EPHA5: variants seen among roughly 807,000 people sequenced by gnomAD.
EPHA5 encodes ephrin type-A receptor 5.
Under a neutral mutation model 105.0 loss-of-function variants are expected in EPHA5, and 60 were observed. That is an observed-to-expected ratio of 0.57 (90% CI 0.46 to 0.71). EPHA5 has a LOEUF of 0.71. Among genes scored for constraint, EPHA5 ranks in the 30% least tolerant of loss-of-function variants. The probability of loss-of-function intolerance (pLI) is 0.00; values close to 1 mark genes in which losing one functional copy is unlikely to be tolerated. For synonymous variants in EPHA5, 513 were observed against 449.1 expected (o/e 1.14, Z -1.80); for missense variants, 1,218 against 1,274.7 (o/e 0.96, Z 0.68).
At chr4:65,531,026 TTTTTTTA>T (rs1735733439) in intron 3 of EPHA5, among the ~76,000 whole-genome samples, 2 of 146,886 alleles carry the variant, frequency 1.4e-5, no homozygotes, top group African/African-American at 5.1e-5. Flanking sequence ...TTTTTTTTAT[TTTTTTTA>T]TTTTTTTATT....
intron 11 of EPHA5, among the ~76,000 whole-genome samples, chr4:65,357,731 A>G (rs778601401): frequency 1.4e-4 from 21 of 151,460 alleles, no homozygotes; most frequent in Non-Finnish European, 2.7e-4. Flanking sequence ...AAGATGAAAA[A>G]GTACTAAAGA....
intron 2 of EPHA5, among the ~76,000 whole-genome samples, chr4:65,602,676 T>A (rs1743854691): frequency 6.6e-6 from 1 of 151,892 alleles, no homozygotes; most frequent in Non-Finnish European, 1.5e-5. Flanking sequence ...ATATTTTGAA[T>A]AAAGTTCAGC....
intron 8 of EPHA5, among the ~76,000 whole-genome samples, chr4:65,380,728 A>G (rs917951346): frequency 6.6e-6 from 1 of 151,846 alleles, no homozygotes; most frequent in Non-Finnish European, 1.5e-5. Flanking sequence ...TTCAAATTAA[A>G]TTAACAACAA....
At chr4:65,595,588 T>TC in intron 3 of EPHA5, among the ~76,000 whole-genome samples, 1 of 151,534 alleles carries the variant, frequency 6.6e-6, no homozygotes. Context: ...AAGATTTTTT[T>TC]TTTTTTTTTT....
At chr4:65,458,035 C>T (rs1217905803) in intron 5 of EPHA5, among the ~76,000 whole-genome samples, 2 of 136,256 alleles carry the variant, frequency 1.5e-5, no homozygotes, top group Non-Finnish European at 3.0e-5. Context: ...GATTACACCA[C>T]TGCACTCCAG....
intron 2 of EPHA5, among the ~76,000 whole-genome samples, chr4:65,630,771 A>G (rs1746557307): frequency 6.6e-6 from 1 of 152,206 alleles, no homozygotes; most frequent in African/African-American, 2.4e-5. Context: ...AGCAGGAACC[A>G]GAGAGAGAAA....
At chr4:65,452,908 A>G (rs944774240) in intron 5 of EPHA5, among the ~76,000 whole-genome samples, 9 of 152,190 alleles carry the variant, frequency 5.9e-5, no homozygotes, top group African/African-American at 2.2e-4. Flanking sequence ...CTCCAAAAAG[A>G]AGAAATTGTG....
At chr4:65,514,793 T>C (rs931557715) in intron 3 of EPHA5, among the ~76,000 whole-genome samples, 3 of 152,068 alleles carry the variant, frequency 2.0e-5, no homozygotes, top group African/African-American at 4.8e-5. Context: ...TCCCCTTCAC[T>C]CCTCTAATAC....
intron 5 of EPHA5, among the ~76,000 whole-genome samples, chr4:65,444,226 C>T (rs767707761): frequency 1.3e-4 from 20 of 152,056 alleles, no homozygotes; most frequent in Admixed American, 8.5e-4. Flanking sequence ...ATCACTTACC[C>T]GTGCTGAAGA....
chr4:65,669,494 C>T (rs2149570015), intron 1 of EPHA5, 68 bp downstream of exon 1: 1 of 1,289,388 alleles, frequency 7.8e-7, no homozygotes, highest in Non-Finnish European at 9.9e-7. Flanking sequence ...GCGCTGAGAC[C>T]TGAACTCCCA....
intron 7 of EPHA5, among the ~76,000 whole-genome samples, chr4:65,413,507 A>G (rs1404082728): frequency 6.6e-6 from 1 of 152,044 alleles, no homozygotes; most frequent in African/African-American, 2.4e-5. Context: ...ATTTTTGAAA[A>G]AAGGAAGCAT....
chr4:65,338,751 G>A (rs188272078), intron 14 of EPHA5, among the ~76,000 whole-genome samples: 2 of 152,018 alleles, frequency 1.3e-5, no homozygotes, highest in African/African-American at 4.8e-5. Context: ...TATATTAGAA[G>A]TTTCCTTTTT....
intron 2 of EPHA5, among the ~76,000 whole-genome samples, chr4:65,609,580 T>G (rs1744566198): frequency 6.6e-6 from 1 of 151,516 alleles, no homozygotes; most frequent in Non-Finnish European, 1.5e-5. Flanking sequence ...GCATCTATTT[T>G]CAACAGTAAA....
At chr4:65,470,304 A>C (rs1290722445) in intron 5 of EPHA5, among the ~76,000 whole-genome samples, 1 of 149,892 alleles carries the variant, frequency 6.7e-6, no homozygotes, top group Non-Finnish European at 1.5e-5. Flanking sequence ...TGATTATCCC[A>C]CCTCAGCCTC....
chr4:65,482,698 A>C (rs1730493516), intron 5 of EPHA5, among the ~76,000 whole-genome samples: 1 of 152,160 alleles, frequency 6.6e-6, no homozygotes, highest in African/African-American at 2.4e-5. Context: ...TAGTGTTCAC[A>C]CTTGAATTAA....
At chr4:65,409,024 G>A (rs1362846117) in intron 7 of EPHA5, among the ~76,000 whole-genome samples, 1 of 148,298 alleles carries the variant, frequency 6.7e-6, no homozygotes, top group Admixed American at 6.7e-5. Flanking sequence ...AAAAGGATGA[G>A]TTCATGTCCT....
chr4:65,497,788 A>G (rs2149232956), intron 3 of EPHA5, among the ~76,000 whole-genome samples: 1 of 152,188 alleles, frequency 6.6e-6, no homozygotes, highest in East Asian at 1.9e-4. Context: ...GAAATATAAA[A>G]TAATATAAAT....
chr4:65,576,069 A>AAAG (rs1560721268), intron 3 of EPHA5, among the ~76,000 whole-genome samples: 29 of 80,102 alleles, frequency 3.6e-4, no homozygotes, highest in South Asian at 1.1e-3. Flanking sequence ...AAAAGAAAAG[A>AAAG]AAAGAAAAGA....
At position 65,490,711 on chromosome 4, in the gene EPHA5, T is replaced by C. The variant is rs2149214667; in HGVS notation, c.1068A>G (p.Arg356=). The C allele has an allele frequency of 1.9e-6, 3 of 1,611,854 alleles. 1 individual carries two copies. ...ESDPPTMACT[R]PPSAPRNAIS... is the part of the protein sequence containing the mutation. ...TGGCATTCCGAGGAGCAGAGGGGGGTCCTGGTTTACAAAGTAAAGTAAGAA... is the reference window on the plus strand; with the variant it reads ...TGGCATTCCGAGGAGCAGAGGGGGGCCCTGGTTTACAAAGTAAAGTAAGAA... The change falls in exon 5 of 17, where the codon AGA becomes AGG. Residue 356 remains arginine, a splice_region_variant and synonymous_variant. Transcript: ENST00000613740.
Sources: gnomAD v4.1 joint callset for allele counts (sites outside exome capture counted in the v4.1 genomes callset) on GRCh38, gnomAD v4.1.1 for gene constraint, MANE v1.5 for transcripts, NCBI Gene and HGNC (gene_info 2026-07-23, HGNC 2026-07-21) for gene names.